CCDC171: variants seen among roughly 807,000 people sequenced by gnomAD.
CCDC171 encodes coiled-coil domain containing 171.
In CCDC171, 177 loss-of-function variants were observed where a neutral mutation model predicts 168.2. The ratio of observed to expected loss-of-function variants is 1.05; its 90% CI spans 0.93 to 1.19. The LOEUF (loss-of-function observed/expected upper bound fraction) is 1.19, where lower values mean the gene tolerates loss of function less well. CCDC171 is among the 50% of genes most tolerant of loss of function. CCDC171 has a pLI of 0.00. For synonymous variants in CCDC171, 687 were observed against 540.8 expected (o/e 1.27, Z -3.75); for missense variants, 1,991 against 1,539.0 (o/e 1.29, Z -4.91).
chr9:15,678,790 A>C lies in CCDC171; in HGVS notation c.1109A>C (p.Lys370Thr), dbSNP rs138368957. Reference sequence around the variant, plus strand: ...AAAGAGTATTTCTCCAAAAATAAGAAACTAAATGAAGACATCGAGGAACAG... The same window carrying C: ...AAAGAGTATTTCTCCAAAAATAAGACACTAAATGAAGACATCGAGGAACAG... ...LEKEYFSKNK[K>T]LNEDIEEQKK... Residue 370 changes from lysine to threonine, a missense_variant, in exon 10 of 26, where the codon AAA (lysine) becomes ACA (threonine). By Grantham distance (78) the Lys-to-Thr change is moderately conservative. Transcript: ENST00000380701. 6.7e-5 allele frequency: 107 copies of C among 1,591,834 alleles called. No homozygotes were observed. Among genetic ancestry groups the C allele is most frequent in the Non-Finnish European group, 8.9e-5 (105 of 1,173,202 alleles).
intron 16 of CCDC171, 34 bp from the exon 17 acceptor site, chr9:15,744,239 C>A: frequency 6.6e-7 from 1 of 1,506,750 alleles, no homozygotes; most frequent in Non-Finnish European, 8.9e-7. Flanking sequence ...CTGTTTGTTT[C>A]ATGATCAAAT....
intron 11 of CCDC171, among the ~76,000 whole-genome samples, chr9:15,708,721 C>A (rs1326683276): frequency 6.6e-6 from 1 of 152,070 alleles, no homozygotes; most frequent in Admixed American, 6.5e-5. Flanking sequence ...AAAATTTTCC[C>A]TATAGTCTAT....
chr9:16,091,502 A>C, the CCDC171 span, among the ~76,000 whole-genome samples: 3 of 152,286 alleles, frequency 2.0e-5, no homozygotes, highest in Admixed American at 1.3e-4. Context: ...CAAAGCACCA[A>C]ATGCTCTGGG....
rs1158656735 is a variant in CCDC171 at position 15,613,074 on chromosome 9, CAGTATT to C, written c.676-10190_676-10185del. On this transcript the variant is annotated intron_variant, in intron 6 of 25. Transcript: ENST00000380701. ...TTTTCTGTTCTCTTGGGTATATACT[CAGTATT>C]AGAATTTCTGGGTCAAATAGTAACT... 7.9e-5 allele frequency among the ~76,000 whole-genome samples: 12 copies of C among 152,248 alleles called. No individual in the cohort carries two copies. The South Asian group carries it at 1.9e-3, about 24-fold the overall frequency.
chr9:15,557,754 G>A (rs4281189), intron 1 of CCDC171, among the ~76,000 whole-genome samples: 59,969 of 151,802 alleles, frequency 0.4, 13,500 homozygotes, highest in East Asian at 0.8. Flanking sequence ...GATTGCCCTG[G>A]CCAGAAGTTC....
intron 10 of CCDC171, among the ~76,000 whole-genome samples, chr9:15,687,011 G>T (rs1156758692): frequency 1.3e-5 from 2 of 152,168 alleles, no homozygotes; most frequent in African/African-American, 4.8e-5. Context: ...GCTAGGCCAT[G>T]AAACAAGCCT....
chr9:15,939,086 A>G (rs1827429255), intron 25 of CCDC171, among the ~76,000 whole-genome samples: 1 of 151,300 alleles, frequency 6.6e-6, no homozygotes, highest in East Asian at 1.9e-4. Context: ...TCTTGATAAT[A>G]TAACCTTTTT....
the CCDC171 span, among the ~76,000 whole-genome samples, chr9:16,087,604 T>C: frequency 6.9e-6 from 1 of 144,912 alleles, no homozygotes; most frequent in Non-Finnish European, 1.5e-5. Flanking sequence ...TGGTAAATCT[T>C]CCTCCATCCC....
At chr9:15,724,595 G>A (rs1357737811) in intron 13 of CCDC171, among the ~76,000 whole-genome samples, 181 bp from the exon 14 acceptor site, 6 of 152,144 alleles carry the variant, frequency 3.9e-5, no homozygotes, top group African/African-American at 1.4e-4. Flanking sequence ...TTTTTGAGCT[G>A]AGATATTATA....
chr9:15,623,466 C>CGCGCGCGCGCGCGCGCGCGT lies in CCDC171; in HGVS notation c.822+63_822+64insGCGCGCGCGTGCGCGCGCGC. On this transcript the variant is annotated intron_variant, in intron 7 of 25. Coordinates refer to ENST00000380701, the MANE Select transcript of CCDC171 (RefSeq NM_173550.4). ...ATATGCGTACAAACTTTCACATATG[C>CGCGCGCGCGCGCGCGCGCGT]GCGCGCGCGCACACACACACACACA... 1.1e-5 allele frequency: 8 copies of CGCGCGCGCGCGCGCGCGCGT among 704,614 alleles called. 1 individual carries two copies. The highest frequency in any genetic ancestry group is 1.1e-5 in the Non-Finnish European group (5 of 464,710). The allele number at this position is 704,614 out of a possible 1,614,324, so 43.6% of individuals were successfully genotyped here.
In CCDC171 at chr9:15,848,882, A is replaced by G. The variant is rs201157516; in HGVS notation, c.3414-11A>G. ...GAGTTTTACTAACACTTAATCTTTTATTTTTTCTAGAGACAAAGAATGTGT... is the reference window on the plus strand; with the variant it reads ...GAGTTTTACTAACACTTAATCTTTTGTTTTTTCTAGAGACAAAGAATGTGT... On this transcript the variant is annotated splice_polypyrimidine_tract_variant and intron_variant, in intron 22 of 25. Coordinates refer to ENST00000380701, the MANE Select transcript of CCDC171 (RefSeq NM_173550.4). The G allele has an allele frequency of 2.0e-6, 3 of 1,523,438 alleles. No homozygotes were observed. The allele number at this position is 1,523,438 out of a possible 1,614,324, so 94.4% of individuals were successfully genotyped here.
chr9:16,062,787 T>C (rs1482531535), downstream of CCDC171, among the ~76,000 whole-genome samples: 1 of 152,172 alleles, frequency 6.6e-6, no homozygotes, highest in Non-Finnish European at 1.5e-5. Context: ...AGTATGTGTA[T>C]GAGTCTGGGG....
chr9:16,074,775 C>G, the CCDC171 span, among the ~76,000 whole-genome samples: 2 of 152,132 alleles, frequency 1.3e-5, no homozygotes, highest in Non-Finnish European at 2.9e-5. Flanking sequence ...TAAAAATAAA[C>G]TCAAAATTAC....
At chr9:15,739,240 G>T (rs557029974) in intron 16 of CCDC171, among the ~76,000 whole-genome samples, 2 of 152,304 alleles carry the variant, frequency 1.3e-5, no homozygotes, top group South Asian at 2.1e-4. Context: ...TGTTAGGGGA[G>T]ATCGAAGGCA....
At chr9:15,725,080 T>G (rs2053712623) in intron 14 of CCDC171, 104 bp downstream of exon 14, 2 of 804,692 alleles carry the variant, frequency 2.5e-6, no homozygotes, top group Admixed American at 2.5e-5. Flanking sequence ...AAAATTGTTC[T>G]GAGCAGAGTA....
rs138974845 is a variant in CCDC171 at position 15,843,769 on chromosome 9, C to T, written c.3268-2933C>T. Among the ~76,000 whole-genome samples the T allele has an allele frequency of 2.5e-3, 388 of 152,226 alleles. 2 individuals are homozygous for T. Among genetic ancestry groups the T allele is most frequent in the African/African-American group, 8.4e-3 (347 of 41,550 alleles). On this transcript the variant is annotated intron_variant, in intron 21 of 25. Coordinates refer to ENST00000380701, the MANE Select transcript of CCDC171 (RefSeq NM_173550.4). ...CAAATGTACTGTTGCTTAAAGGCCT[C>T]AAGGCCTAAAAACAGTGCTTTGGAT...
At chr9:15,953,155 A>G (rs954285228) in intron 25 of CCDC171, among the ~76,000 whole-genome samples, 11 of 152,144 alleles carry the variant, frequency 7.2e-5, no homozygotes, top group Non-Finnish European at 1.5e-4. Flanking sequence ...TTCTTTTCCA[A>G]TCTGAGTGCC....
intron 25 of CCDC171, among the ~76,000 whole-genome samples, chr9:15,966,886 T>G (rs943026128): frequency 2.8e-5 from 3 of 106,064 alleles, no homozygotes; most frequent in African/African-American, 1.1e-4. Flanking sequence ...ATAGCAGATG[T>G]GTGTGTGTGT....
intron 3 of CCDC171, among the ~76,000 whole-genome samples, chr9:15,989,517 G>T (rs114749408): frequency 1.3e-5 from 2 of 151,942 alleles, no homozygotes; most frequent in African/African-American, 4.8e-5. Flanking sequence ...AAAATCCGAG[G>T]GCCTCTCCCC....
Sources: allele counts gnomAD v4.1 joint callset (sites outside exome capture counted in the v4.1 genomes callset), GRCh38; gene constraint gnomAD v4.1.1; transcripts MANE v1.5; gene names NCBI Gene and HGNC (gene_info 2026-07-23, HGNC 2026-07-21).